Variants in DUSP10 observed in about 807,000 individuals in gnomAD.
The protein encoded by DUSP10 is dual specificity protein phosphatase 10.
A neutral mutation model predicts 30.8 loss-of-function variants in DUSP10; 14 were observed. The ratio of observed to expected loss-of-function variants is 0.46; its 90% CI spans 0.30 to 0.71. The LOEUF (loss-of-function observed/expected upper bound fraction) is 0.71. Ranked by LOEUF, DUSP10 falls within the 30% of genes least tolerant of loss-of-function variation. The pLI is 0.08. For missense variants in DUSP10, 550 were observed against 619.4 expected (o/e 0.89, Z 1.19); for synonymous variants, 254 against 250.4 (o/e 1.01, Z -0.14).
rs535336729 is a variant in DUSP10, at chr1:221,702,894, T to C, written c.1184-217A>G. Among the ~76,000 whole-genome samples, 11 of 152,322 alleles carry C rather than the reference T, an allele frequency of 7.2e-5. No homozygotes were observed. Among genetic ancestry groups the C allele is most frequent in the African/African-American group, 2.6e-4 (11 of 41,564 alleles). ...TGATATCAGCACGAACAAGAAGCTA[T>C]ACATCTACATTTAAAGAGAAGATTA... On this transcript the variant is annotated intron_variant, in intron 3 of 3. Coordinates refer to ENST00000366899, the MANE Select transcript of DUSP10 (RefSeq NM_007207.6). This position sits in a 1 kb window ranked among gnomAD's most constrained non-coding sequence, Gnocchi z 4.5.
chr1:221,735,826 G>T (rs996439704), intron 2 of DUSP10, among the ~76,000 whole-genome samples: 1 of 152,198 alleles, frequency 6.6e-6, no homozygotes. Flanking sequence ...GGTAGCTCTC[G>T]TTATGGATGG....
intron 1 of DUSP10, 104 bp from the exon 2 acceptor site, chr1:221,739,891 C>T (rs1571836498): frequency 8.2e-7 from 1 of 1,217,688 alleles, no homozygotes; most frequent in Non-Finnish European, 1.1e-6. Flanking sequence ...TGAGCAAAGT[C>T]GTCCTAATTG....
intron 2 of DUSP10, among the ~76,000 whole-genome samples, chr1:221,734,992 T>G (rs942563514): frequency 9.4e-6 from 1 of 106,884 alleles, no homozygotes; most frequent in African/African-American, 4.3e-5. Context: ...CACTTTGTCA[T>G]AGAACTCTAT....
At chr1:221,733,760 C>G (rs1661684689) in intron 2 of DUSP10, among the ~76,000 whole-genome samples, 1 of 152,216 alleles carries the variant, frequency 6.6e-6, no homozygotes, top group African/African-American at 2.4e-5. Flanking sequence ...TGCCTAAAGG[C>G]ATACAGTTGG....
Position 221,739,494 on chromosome 1 carries a change from G to T in DUSP10, c.251C>A (p.Ala84Glu), listed in dbSNP as rs376468005. ...GGCCTGATTGTCCTTGTCGTAGGTT[G>T]CCACAGTGCAGCAGCTGGCACTGCT... Reference protein sequence around the residue: ...GCSSASCCTVATYDKDNQAQT... With the variant: ...GCSSASCCTVETYDKDNQAQT... Residue 84 changes from alanine to glutamate, a missense_variant, in exon 2 of 4, where the codon GCA (alanine) becomes GAA (glutamate). Physicochemically the swap from Ala to Glu is moderately radical, Grantham distance 107 (BLOSUM62 -1). Coordinates refer to ENST00000366899, the MANE Select transcript of DUSP10 (RefSeq NM_007207.6). The T allele has an allele frequency of 6.2e-7, 1 of 1,614,194 alleles. No individual in the cohort carries two copies. The highest frequency in any genetic ancestry group is 1.7e-5 in the Admixed American group (1 of 60,028).
chr1:221,712,144 G>C (rs774461046), intron 2 of DUSP10, among the ~76,000 whole-genome samples: 1 of 152,032 alleles, frequency 6.6e-6, no homozygotes, highest in Non-Finnish European at 1.5e-5. Context: ...TAGGAATTGG[G>C]TATTTTACAG....
chr1:221,712,777 CAAAAAAAA>C (rs58249338), intron 2 of DUSP10, among the ~76,000 whole-genome samples: 5 of 56,926 alleles, frequency 8.8e-5, no homozygotes, highest in Admixed American at 2.1e-4. Flanking sequence ...TATAAAGCAG[CAAAAAAAA>C]AAAAAAAAAA....
intron 2 of DUSP10, among the ~76,000 whole-genome samples, chr1:221,735,065 T>C (rs931261911): frequency 1.3e-5 from 2 of 152,210 alleles, no homozygotes; most frequent in Admixed American, 6.5e-5. Context: ...TGTATGGTGC[T>C]CAATTCTAAG....
chr1:221,739,745 G>C lies in DUSP10; in HGVS notation c.-1C>G, dbSNP rs147859958. The C allele has an allele frequency of 2.6e-5, 41 of 1,570,092 alleles. No individual in the cohort carries two copies. In the African/African-American group the frequency reaches 4.9e-4, roughly 19 times the overall value. The stretch of plus-strand genomic sequence containing the variant: ...TGTCGTCTAAAGGAGACGGAGGCAT[G>C]AGGAGGCTGAAAACTGGCAATTCAA... On this transcript the variant is annotated 5_prime_UTR_variant, in exon 2 of 4. Coordinates refer to ENST00000366899, the MANE Select transcript of DUSP10 (RefSeq NM_007207.6).
At chr1:221,715,023 A>T (rs866608560) in intron 2 of DUSP10, among the ~76,000 whole-genome samples, 6 of 152,174 alleles carry the variant, frequency 3.9e-5, no homozygotes, top group Middle Eastern at 6.8e-3. Context: ...TTTCTTCTCC[A>T]TTTTTTGTTC....
At position 221,739,619 on chromosome 1, in the gene DUSP10, G is replaced by T. The variant is rs759539849; in HGVS notation, c.126C>A (p.His42Gln). 9.3e-6 allele frequency: 15 copies of T among 1,614,186 alleles called. No individual in the cohort carries two copies. Among genetic ancestry groups the T allele is most frequent in the Non-Finnish European group, 1.3e-5 (15 of 1,180,028 alleles). The change falls in exon 2 of 4, where the codon CAC (histidine) becomes CAA (glutamine). Residue 42 changes from histidine to glutamine, a missense_variant. Transcript: ENST00000366899. ...CAACGGTGGTGGCGATGACAGGAGG[G>T]TGGCTGTTACTGCCTGGGTTGGCAG... ...LGSANPGSNSHPPVIATTVVS... is the reference protein window; with the variant it reads ...LGSANPGSNSQPPVIATTVVS...
intron 1 of DUSP10, among the ~76,000 whole-genome samples, chr1:221,741,631 C>G (rs1329508091): frequency 6.6e-6 from 1 of 151,970 alleles, no homozygotes; most frequent in East Asian, 1.9e-4. Flanking sequence ...TTAACATCCC[C>G]CCGCCCCCCG....
intron 2 of DUSP10, among the ~76,000 whole-genome samples, chr1:221,725,478 G>T (rs1661400366): frequency 6.6e-6 from 1 of 152,108 alleles, no homozygotes; most frequent in South Asian, 2.1e-4. Context: ...GGGCTTTCTA[G>T]CCATCCTCAA....
chr1:221,717,171 C>T (rs1268795251), intron 2 of DUSP10, among the ~76,000 whole-genome samples: 1 of 151,968 alleles, frequency 6.6e-6, no homozygotes, highest in East Asian at 1.9e-4. Context: ...TGAGAGGGGA[C>T]GGAATCCAGG....
At chr1:221,721,987 C>G (rs998330914) in intron 2 of DUSP10, among the ~76,000 whole-genome samples, 1 of 152,162 alleles carries the variant, frequency 6.6e-6, no homozygotes, top group Non-Finnish European at 1.5e-5. Flanking sequence ...TCACCAACCC[C>G]GGGTGGCCCT....
intron 2 of DUSP10, among the ~76,000 whole-genome samples, chr1:221,735,102 G>A (rs886465068): frequency 6.6e-6 from 1 of 152,182 alleles, no homozygotes; most frequent in African/African-American, 2.4e-5. Flanking sequence ...TAGTATAAAG[G>A]CCTAACTGCC....
At chr1:221,719,483 C>T (rs1286351124) in intron 2 of DUSP10, among the ~76,000 whole-genome samples, 1 of 152,050 alleles carries the variant, frequency 6.6e-6, no homozygotes, top group Non-Finnish European at 1.5e-5. Flanking sequence ...AAAAAAAAAG[C>T]TAGCATGTCC....
At chr1:221,703,148 C>T (rs758488660) in intron 3 of DUSP10, among the ~76,000 whole-genome samples, 2 of 151,796 alleles carry the variant, frequency 1.3e-5, no homozygotes, top group African/African-American at 4.8e-5. Context: ...AAAAATTATA[C>T]ACACACATGA....
At chr1:221,739,926 C>T (rs1046669042) in intron 1 of DUSP10, 139 bp from the exon 2 acceptor site, 1 of 879,066 alleles carries the variant, frequency 1.1e-6, no homozygotes, top group Admixed American at 3.5e-5. Flanking sequence ...ATTATCAAAA[C>T]TTGAAATTCA....
Sources: allele counts gnomAD v4.1 joint callset (sites outside exome capture counted in the v4.1 genomes callset), GRCh38; gene constraint gnomAD v4.1.1; non-coding constraint Gnocchi (gnomAD v3.1); transcripts MANE v1.5; gene names NCBI Gene and HGNC (gene_info 2026-07-23, HGNC 2026-07-21).